Variants in ELOVL7 observed in about 807,000 individuals in gnomAD.
ELOVL7 encodes very long chain fatty acid elongase 7.
ELOVL7 carries 27 observed loss-of-function variants against 35.7 expected under a neutral mutation model. The observed-to-expected ratio is 0.76, with a 90% CI of 0.56 to 1.04. The LOEUF is 1.04. ELOVL7 is among the 50% of genes least tolerant of loss of function. The probability of loss-of-function intolerance (pLI) is 0.00; values close to 1 mark genes in which losing one functional copy is unlikely to be tolerated. For synonymous variants in ELOVL7, 113 were observed against 114.6 expected (o/e 0.99, Z 0.09); for missense variants, 327 against 340.8 (o/e 0.96, Z 0.32).
chr5:60,816,471 T>C (rs535390439), intron 1 of ELOVL7, among the ~76,000 whole-genome samples: 5 of 151,854 alleles, frequency 3.3e-5, no homozygotes, highest in Non-Finnish European at 7.4e-5. Context: ...TTGGGATCAA[T>C]AAGACAAGGT....
At chr5:60,782,028 G>A (rs897127936) in intron 3 of ELOVL7, among the ~76,000 whole-genome samples, 1 of 152,058 alleles carries the variant, frequency 6.6e-6, no homozygotes, top group Non-Finnish European at 1.5e-5. Flanking sequence ...AAACAACCTT[G>A]GTCCAATTGA....
intron 4 of ELOVL7, among the ~76,000 whole-genome samples, 157 bp downstream of exon 4, chr5:60,771,746 C>T (rs1742601648): frequency 6.6e-6 from 1 of 152,196 alleles, no homozygotes; most frequent in Admixed American, 6.5e-5. Context: ...ATTATTTGGT[C>T]TATACCTAAC....
Position 60,772,076 on chromosome 5 carries a change from A to C in ELOVL7, c.82T>G (p.Trp28Gly), listed in dbSNP as rs1278629969. Residue 28 changes from tryptophan to glycine, a missense_variant, in exon 4 of 9, where the codon TGG becomes GGG. By Grantham distance (184) the Trp-to-Gly change is radical (BLOSUM62 -2). Transcript: ENST00000508821. ...IKDADPRVEDWLLMSSPLPQT... is the reference protein window; with the variant it reads ...IKDADPRVEDGLLMSSPLPQT... ...GGCAGAGGCGAGGACATGAGGAGCC[A>C]ATCTTCAACTCTTGGATCTAAGAGA... is the stretch of plus-strand genomic sequence containing the variant. The C allele has an allele frequency of 1.2e-6, 2 of 1,608,830 alleles. No individual in the cohort carries two copies. The highest frequency in any genetic ancestry group is 1.7e-6 in the Non-Finnish European group (2 of 1,177,506).
At chr5:60,796,063 C>T (rs1352973095) in intron 2 of ELOVL7, among the ~76,000 whole-genome samples, 1 of 152,240 alleles carries the variant, frequency 6.6e-6, no homozygotes, top group Admixed American at 6.5e-5. Context: ...CCCCAAGTCT[C>T]TGCTCCTACC....
At chr5:60,785,421 T>C (rs865912242) in intron 3 of ELOVL7, among the ~76,000 whole-genome samples, 10 of 152,364 alleles carry the variant, frequency 6.6e-5, no homozygotes, top group South Asian at 6.2e-4. Flanking sequence ...TATTTATTAT[T>C]ATCTACATCT....
chr5:60,788,272 TG>T (rs1171665825), intron 2 of ELOVL7, among the ~76,000 whole-genome samples: 1 of 152,126 alleles, frequency 6.6e-6, no homozygotes, highest in Admixed American at 6.5e-5. Context: ...TCCAAATGAA[TG>T]GTATGCCATA....
chr5:60,818,639 TA>T (rs1276601915), intron 1 of ELOVL7, among the ~76,000 whole-genome samples: 1 of 152,078 alleles, frequency 6.6e-6, no homozygotes, highest in Non-Finnish European at 1.5e-5. Context: ...TATAGCTTAC[TA>T]AAAACAGATA....
chr5:60,762,557 A>C (rs893785103), intron 7 of ELOVL7, among the ~76,000 whole-genome samples: 2 of 152,126 alleles, frequency 1.3e-5, no homozygotes, highest in Non-Finnish European at 2.9e-5. Flanking sequence ...TTTTGTTTCA[A>C]TATCTCCAAA....
chr5:60,827,597 C>A (rs566058056), intron 1 of ELOVL7, among the ~76,000 whole-genome samples: 5 of 152,134 alleles, frequency 3.3e-5, no homozygotes, highest in Non-Finnish European at 7.4e-5. Flanking sequence ...GCTTTAGCTA[C>A]TATAATGAGA....
Position 60,801,333 on chromosome 5 carries a change from A to T in ELOVL7, c.-85-2103T>A, listed in dbSNP as rs117185364. Among the ~76,000 whole-genome samples, 207 of 152,298 alleles carry T rather than the reference A, an allele frequency of 1.4e-3. 3 individuals carry two copies. Among genetic ancestry groups the T allele is most frequent in the Admixed American group, 9.9e-3 (151 of 15,304 alleles). ...AGCCACAGCAATTATGCAAAAAAGA[A>T]ATAAAAAGGCATCCAAATCAGAAAG... On this transcript the variant is annotated intron_variant, in intron 1 of 8. Coordinates refer to ENST00000508821, the MANE Select transcript of ELOVL7 (RefSeq NM_024930.3).
intron 5 of ELOVL7, among the ~76,000 whole-genome samples, chr5:60,767,001 G>A (rs1742282012): frequency 6.6e-6 from 1 of 152,142 alleles, no homozygotes; most frequent in Non-Finnish European, 1.5e-5. Context: ...TGTTCTCAGG[G>A]TTCATCCCTG....
intron 1 of ELOVL7, among the ~76,000 whole-genome samples, chr5:60,824,704 C>G (rs1328181966): frequency 6.6e-6 from 1 of 152,202 alleles, no homozygotes. Context: ...AAGCCACTGT[C>G]CTGTCTTATC....
intron 1 of ELOVL7, among the ~76,000 whole-genome samples, chr5:60,832,632 G>A (rs749903667): frequency 6.6e-6 from 1 of 152,182 alleles, no homozygotes; most frequent in Non-Finnish European, 1.5e-5. Flanking sequence ...CCAAAGTGCT[G>A]GGATTACAGG....
intron 3 of ELOVL7, 48 bp downstream of exon 3, chr5:60,787,286 G>T: frequency 6.9e-7 from 1 of 1,446,686 alleles, no homozygotes; most frequent in South Asian, 1.2e-5. Context: ...ATGAGAATCT[G>T]ACATAAAAAG....
At chr5:60,815,995 C>G (rs1745493800) in intron 1 of ELOVL7, among the ~76,000 whole-genome samples, 1 of 152,192 alleles carries the variant, frequency 6.6e-6, no homozygotes, top group Non-Finnish European at 1.5e-5. Context: ...GGCTTGAGCT[C>G]TGCCAACTTG....
Position 60,830,596 on chromosome 5 carries a change from T to TC in ELOVL7, c.-86+13563_-86+13564insG, listed in dbSNP as rs1473350449. On this transcript the variant is annotated intron_variant, in intron 1 of 8. Coordinates refer to ENST00000508821, the MANE Select transcript of ELOVL7 (RefSeq NM_024930.3). ...CAAGAGGAAACCATCAGAGGCTTTT[T>TC]TTTTCTTTCTTTCTTTTTTTTTTTT... Among the ~76,000 whole-genome samples, 8 of 148,792 alleles carry TC rather than the reference T, an allele frequency of 5.4e-5. No homozygotes were observed. In the East Asian group the frequency reaches 1.0e-3, roughly 19 times the overall value.
chr5:60,816,236 C>T (rs917071403), intron 1 of ELOVL7, among the ~76,000 whole-genome samples: 4 of 151,952 alleles, frequency 2.6e-5, no homozygotes, highest in South Asian at 4.2e-4. Context: ...AAAAATTAGC[C>T]GGGCATGGTG....
chr5:60,783,936 C>G (rs564903328), intron 3 of ELOVL7, among the ~76,000 whole-genome samples: 24 of 152,090 alleles, frequency 1.6e-4, no homozygotes, highest in Non-Finnish European at 2.5e-4. Flanking sequence ...GTTTAAGTGT[C>G]ATGAGTAGAG....
At chr5:60,808,575 T>A (rs1300360394) in intron 1 of ELOVL7, among the ~76,000 whole-genome samples, 1 of 152,206 alleles carries the variant, frequency 6.6e-6, no homozygotes, top group Non-Finnish European at 1.5e-5. Flanking sequence ...CAATTCCTAT[T>A]AAAATCCCAT....
Sources: allele counts gnomAD v4.1 joint callset (sites outside exome capture counted in the v4.1 genomes callset), GRCh38; gene constraint gnomAD v4.1.1; transcripts MANE v1.5; gene names NCBI Gene and HGNC (gene_info 2026-07-23, HGNC 2026-07-21).